Variants in CACNA1H observed in about 807,000 individuals in gnomAD.
The protein encoded by CACNA1H is calcium voltage-gated channel subunit alpha1 H.
A neutral mutation model predicts 192.5 loss-of-function variants in CACNA1H; 149 were observed. The ratio of observed to expected loss-of-function variants is 0.77; its 90% CI spans 0.68 to 0.89. CACNA1H has a LOEUF of 0.89. Among genes scored for constraint, CACNA1H ranks in the 40% least tolerant of loss-of-function variants. The probability of loss-of-function intolerance (pLI) is 0.00; values close to 1 mark genes in which losing one functional copy is unlikely to be tolerated. For missense variants in CACNA1H, 4,257 were observed against 3,423.5 expected, an observed-to-expected ratio of 1.24 and a Z score of -6.08; for synonymous variants, 2,202 against 1,475.2, an observed-to-expected ratio of 1.49 and a Z score of -11.29.
rs933924247 is a variant in CACNA1H at position 1,199,652 on chromosome 16, C to T, written c.804-604C>T. ...TGCAGTCTCTCCTCAGCCCTCACCC[C>T]GGGGTCCCCTCAACCCTCACCCCGG... On this transcript the variant is annotated intron_variant, in intron 6 of 34. Transcript: ENST00000348261. Among the ~76,000 whole-genome samples, 30 of 150,280 alleles carry T rather than the reference C, an allele frequency of 2.0e-4. No homozygotes were observed. In the South Asian group the frequency reaches 2.1e-3, roughly 11 times the overall value.
chr16:1,200,370 C>T lies in CACNA1H; in HGVS notation c.918C>T (p.Pro306=), dbSNP rs57468015. ...GCATGCAGAAGTGCTCGCACATCCC[C>T]GGCCGCCGCGAGCTGCGCATGCCCT... ...DNGMQKCSHI[P]GRRELRMPCT... The change falls in exon 7 of 35, where the codon CCC becomes CCT. Residue 306 remains proline (P), a synonymous_variant. Transcript: ENST00000348261. 5.8e-4 allele frequency: 921 copies of T among 1,599,600 alleles called. 5 individuals carry two copies. The South Asian group carries it at 5.9e-3, about 10-fold the overall frequency.
In CACNA1H at chr16:1,156,754, G is replaced by A. The variant is rs571885477; in HGVS notation, c.299+2718G>A. ...GGCAGAGCCCCAGCTGCTGTCCGCC[G>A]GGCCCAGCCTGAGCCGGGGTTCAGT... On this transcript the variant is annotated intron_variant, in intron 2 of 34. Coordinates refer to ENST00000348261, the MANE Select transcript of CACNA1H (RefSeq NM_021098.3). Among the ~76,000 whole-genome samples, 28 of 152,148 alleles carry A rather than the reference G, an allele frequency of 1.8e-4. No homozygotes were observed. In the South Asian group the frequency reaches 3.3e-3, roughly 18 times the overall value.
At chr16:1,184,420 A>G (rs1422976153) in intron 2 of CACNA1H, among the ~76,000 whole-genome samples, 2 of 152,250 alleles carry the variant, frequency 1.3e-5, no homozygotes, top group East Asian at 3.8e-4. Flanking sequence ...GCACCTGCAC[A>G]CAGCAGCTGT....
chr16:1,183,629 G>A (rs1002358695), intron 2 of CACNA1H, among the ~76,000 whole-genome samples: 8 of 152,240 alleles, frequency 5.3e-5, no homozygotes, highest in South Asian at 4.1e-4. Flanking sequence ...TCGGGGGTCC[G>A]GGGGAGGCGC....
intron 34 of CACNA1H, 37 bp from the exon 35 acceptor site, chr16:1,219,921 TGGCCACTGACAGGGCTCTCCCAG>T: frequency 8.1e-7 from 1 of 1,229,648 alleles, no homozygotes; most frequent in Non-Finnish European, 1.0e-6. Context: ...CTCCGAGCCC[TGGCCACTGACAGGGCTCTCCCAG>T]GGCCCCGCCC....
rs1305992882 is a variant in CACNA1H at position 1,167,294 on chromosome 16, A to T, written c.299+13258A>T. ...GGGTGGGGCTTGCCGGCCGCCCGCGAATGTCAGGAACCTTGGATTCCTGAC... is the reference window on the plus strand; with the variant it reads ...GGGTGGGGCTTGCCGGCCGCCCGCGTATGTCAGGAACCTTGGATTCCTGAC... On this transcript the variant is annotated intron_variant, in intron 2 of 34. Transcript: ENST00000348261. This position sits in a 1 kb window ranked among gnomAD's most constrained non-coding sequence, Gnocchi z 4.2. Among the ~76,000 whole-genome samples the T allele has an allele frequency of 6.6e-6, 1 of 151,918 alleles. No individual in the cohort carries two copies. Among genetic ancestry groups the T allele is most frequent in the East Asian group, 1.9e-4 (1 of 5,154 alleles).
chr16:1,218,326 G>A lies in CACNA1H; in HGVS notation c.5562G>A (p.Val1854=), dbSNP rs368251427. ...VLVAQFVLVN[V]VVAVLMKHLE... is the part of the protein sequence containing the mutation. ...TGGCCCAGTTCGTGCTGGTGAACGT[G>A]GTGGTGGCCGTGCTCATGAAGCACC... Residue 1854 remains valine (V), a synonymous_variant, in exon 33 of 35, where the codon GTG becomes GTA. Transcript: ENST00000348261. The A allele has an allele frequency of 6.4e-7, 1 of 1,559,158 alleles. No homozygotes were observed.
chr16:1,168,517 A>T (rs991605767), intron 2 of CACNA1H, among the ~76,000 whole-genome samples: 1 of 151,692 alleles, frequency 6.6e-6, no homozygotes, highest in Non-Finnish European at 1.5e-5. Flanking sequence ...GTCACCCCAG[A>T]GCTGGGGAGA....
intron 2 of CACNA1H, among the ~76,000 whole-genome samples, chr16:1,194,771 G>A (rs1036271129): frequency 1.2e-4 from 18 of 152,176 alleles, no homozygotes; most frequent in African/African-American, 3.1e-4. Context: ...AGCAGAGCCC[G>A]GCCAGGCGCA....
At chr16:1,212,268 C>A in intron 25 of CACNA1H, 130 bp downstream of exon 25, 2 of 1,360,524 alleles carry the variant, frequency 1.5e-6, no homozygotes, top group Non-Finnish European at 2.0e-6. Context: ...CCTGGGCCTG[C>A]ATGGGGGCTG....
Position 1,208,058 on chromosome 16 carries a change from A to G in CACNA1H, c.3200A>G (p.Glu1067Gly), listed in dbSNP as rs756938057. 6.2e-7 allele frequency: 1 copy of G among 1,606,760 alleles called. No individual in the cohort carries two copies. Among genetic ancestry groups the G allele is most frequent in the South Asian group, 1.1e-5 (1 of 89,592 alleles). ...SLAVTPNGHL[E>G]GRGSLSPPLI... ...GCCGTGACCCCCAACGGGCACCTGGAGGGACGAGGCAGCCTGTCCCCTCCC... is the reference window on the plus strand; with the variant it reads ...GCCGTGACCCCCAACGGGCACCTGGGGGGACGAGGCAGCCTGTCCCCTCCC... Residue 1067 changes from glutamate to glycine, a missense_variant, in exon 16 of 35, where the codon GAG becomes GGG. Physicochemically the swap from Glu to Gly is moderately conservative, Grantham distance 98 (BLOSUM62 -2). Coordinates refer to ENST00000348261, the MANE Select transcript of CACNA1H (RefSeq NM_021098.3).
At chr16:1,176,697 G>T (rs971882906) in intron 2 of CACNA1H, among the ~76,000 whole-genome samples, 1 of 152,198 alleles carries the variant, frequency 6.6e-6, no homozygotes, top group East Asian at 1.9e-4. Flanking sequence ...GGCCGGCTGG[G>T]CACCAAGTCT....
Position 1,217,909 on chromosome 16 carries a change from C to T in CACNA1H, c.5324-10C>T, listed in dbSNP as rs1457731880. 2 of 1,595,236 alleles carry T rather than the reference C, an allele frequency of 1.3e-6. No individual in the cohort carries two copies. The highest frequency in any genetic ancestry group is 1.7e-6 in the Non-Finnish European group (2 of 1,171,376). On this transcript the variant is annotated splice_polypyrimidine_tract_variant and intron_variant, in intron 31 of 34. Coordinates refer to ENST00000348261, the MANE Select transcript of CACNA1H (RefSeq NM_021098.3). ...GCTCGGCTGACCGGGCGGGGTCTCC[C>T]TCCCCGCAGAGTGCAGTGAAGACAA...
At chr16:1,192,416 C>T (rs1966703996) in intron 2 of CACNA1H, among the ~76,000 whole-genome samples, 1 of 152,272 alleles carries the variant, frequency 6.6e-6, no homozygotes, top group Non-Finnish European at 1.5e-5. Flanking sequence ...TGACACCATC[C>T]ACTCCACTCT....
intron 33 of CACNA1H, 122 bp from the exon 34 acceptor site, chr16:1,218,848 C>A: frequency 1.1e-6 from 1 of 878,570 alleles, no homozygotes; most frequent in South Asian, 1.6e-5. Flanking sequence ...AGAGAGAGGA[C>A]GGGTCGGGCT....
At position 1,200,725 on chromosome 16, in the gene CACNA1H, C is replaced by G. The variant is rs529122240; in HGVS notation, c.1129C>G (p.Leu377Val). ...GCCACTGCCCCCCCAGGTGATCACG[C>G]TGGAAGGCTGGGTGGACATCATGTA... ...AWIAIFQVIT[L>V]EGWVDIMYYV... The change falls in exon 8 of 35, where the codon CTG becomes GTG. Residue 377 changes from leucine (L) to valine (V), a missense_variant. By Grantham distance (32) the Leu-to-Val change is conservative. Transcript: ENST00000348261. The G allele has an allele frequency of 2.6e-6, 4 of 1,562,614 alleles. No individual in the cohort carries two copies. Among genetic ancestry groups the G allele is most frequent in the East Asian group, 2.4e-5 (1 of 41,674 alleles).
chr16:1,169,758 C>T (rs1047333875), intron 2 of CACNA1H, among the ~76,000 whole-genome samples: 2 of 152,364 alleles, frequency 1.3e-5, no homozygotes, highest in South Asian at 2.1e-4. Flanking sequence ...TTCCCAGGAA[C>T]GTTTGTCCGT....
At chr16:1,194,694 TC>T (rs1966848077) in intron 2 of CACNA1H, among the ~76,000 whole-genome samples, 1 of 152,082 alleles carries the variant, frequency 6.6e-6, no homozygotes, top group African/African-American at 2.4e-5. Flanking sequence ...CACCGAGGGC[TC>T]CTGCACCCCG....
rs754154177 is a variant in CACNA1H at position 1,220,089 on chromosome 16, G to A, written c.6157G>A (p.Gly2053Ser). ...KTPVRPVTQG[G>S]SLQSPPRSPR... Reference sequence around the variant, plus strand: ...CCCGGTGAGGCCGGTGACCCAGGGGGGCTCCCTGCAGTCCCCACCACGCTC... The same window carrying A: ...CCCGGTGAGGCCGGTGACCCAGGGGAGCTCCCTGCAGTCCCCACCACGCTC... The change falls in exon 35 of 35, where the codon GGC (glycine) becomes AGC (serine). Residue 2053 changes from glycine to serine, a missense_variant. By Grantham distance (56) the Gly-to-Ser change is moderately conservative. Transcript: ENST00000348261. 28 of 1,462,668 alleles carry A rather than the reference G, an allele frequency of 1.9e-5. No homozygotes were observed. The highest frequency in any genetic ancestry group is 7.7e-5 in the South Asian group (5 of 65,004). 90.6% of individuals were successfully genotyped at this position (1,462,668 alleles called of 1,614,324 possible).
Sources: gnomAD v4.1 joint callset for allele counts (sites outside exome capture counted in the v4.1 genomes callset) on GRCh38, gnomAD v4.1.1 for gene constraint, Gnocchi (gnomAD v3.1) non-coding constraint, MANE v1.5 for transcripts, NCBI Gene and HGNC (gene_info 2026-07-23, HGNC 2026-07-21) for gene names.